PSAP: variants seen among roughly 807,000 people sequenced by gnomAD.
PSAP encodes prosaposin, also known as precursor of saposins.
In PSAP, 25 loss-of-function variants were observed where a neutral mutation model predicts 66.0. The ratio of observed to expected loss-of-function variants is 0.38; its 90% confidence interval spans 0.28 to 0.53. The LOEUF is 0.53. Ranked by LOEUF, PSAP falls within the 20% of genes least tolerant of loss-of-function variation. PSAP has a pLI of 0.83. For synonymous variants in PSAP, 273 were observed against 258.9 expected, an observed-to-expected ratio of 1.05 and a Z score of -0.52; for missense variants, 649 against 668.8, an observed-to-expected ratio of 0.97 and a Z score of 0.33.
intron 13 of PSAP, 70 bp downstream of exon 13, chr10:71,818,547 A>T: frequency 7.6e-7 from 1 of 1,315,524 alleles, no homozygotes; most frequent in Non-Finnish European, 1.1e-6. Flanking sequence ...GGTTCCCATT[A>T]AAGCAGGATT....
At chr10:71,835,247 TA>T (rs1324182015) in intron 1 of PSAP, among the ~76,000 whole-genome samples, 2 of 130,280 alleles carry the variant, frequency 1.5e-5, no homozygotes, top group East Asian at 4.2e-4. Flanking sequence ...AATAAATAAA[TA>T]AAATAAAAAT....
In PSAP at chr10:71,816,800, G is replaced by A. The variant is rs1249128674; in HGVS notation, c.*641C>T. On this transcript the variant is annotated 3_prime_UTR_variant, in exon 14 of 14. Transcript: ENST00000394936. ...CCCCAAACAAGGCATCACCAGGAAA[G>A]ACACGGGAAAGCCAAATCACAGTTG... 9.3e-6 allele frequency: 2 copies of A among 214,002 alleles called. No individual in the cohort carries two copies. Among genetic ancestry groups the A allele is most frequent in the Non-Finnish European group, 2.0e-5 (2 of 101,956 alleles). 13.3% of individuals were successfully genotyped at this position (214,002 alleles called of 1,614,324 possible).
At position 71,851,224 on chromosome 10, in the gene PSAP, C is replaced by CGCCGTCTGACTCCGCAGTCTGCAATGCGG; in HGVS notation, c.-4_-3insCCGCATTGCAGACTGCGGAGTCAGACGGC. The CGCCGTCTGACTCCGCAGTCTGCAATGCGG allele has an allele frequency of 6.4e-7, 1 of 1,551,074 alleles. No homozygotes were observed. The highest frequency in any genetic ancestry group is 8.7e-7 in the Non-Finnish European group (1 of 1,146,858). ...GCCAGGAGGAAGAGGGCGTACATAG[C>CGCCGTCTGACTCCGCAGTCTGCAATGCGG]GCCGTCTGACTCCGCAGTCTGCAAT... On this transcript the variant is annotated 5_prime_UTR_variant, in exon 1 of 14. Transcript: ENST00000394936.
At chr10:71,828,728 A>G (rs1053422035) in intron 5 of PSAP, 149 bp downstream of exon 5, 1 of 773,216 alleles carries the variant, frequency 1.3e-6, no homozygotes, top group Admixed American at 2.8e-5. Flanking sequence ...TTCATGGTAC[A>G]ACCATTTAAA....
chr10:71,841,527 C>T (rs1842733549), intron 1 of PSAP, among the ~76,000 whole-genome samples: 2 of 152,170 alleles, frequency 1.3e-5, no homozygotes, highest in Non-Finnish European at 2.9e-5. Flanking sequence ...GATTCAGTTG[C>T]TTTCACCACA....
intron 1 of PSAP, among the ~76,000 whole-genome samples, chr10:71,841,103 G>A (rs1434125934): frequency 6.6e-6 from 1 of 152,210 alleles, no homozygotes. Flanking sequence ...CCAGCCAAGT[G>A]AGCAAGTGGA....
intron 7 of PSAP, among the ~76,000 whole-genome samples, chr10:71,824,209 G>A (rs1026755242): frequency 6.6e-6 from 1 of 152,194 alleles, no homozygotes; most frequent in African/African-American, 2.4e-5. Context: ...AAGAGCCCCA[G>A]AAAATGCTTG....
intron 1 of PSAP, among the ~76,000 whole-genome samples, chr10:71,839,353 C>T (rs113963914): frequency 0.087 from 13,201 of 152,120 alleles, 767 homozygotes; most frequent in African/African-American, 0.16. Context: ...GATTCTCCTG[C>T]CTCAGCCTCC....
At chr10:71,817,953 T>TG (rs1842209287) in intron 13 of PSAP, among the ~76,000 whole-genome samples, 1 of 152,172 alleles carries the variant, frequency 6.6e-6, no homozygotes, top group Admixed American at 6.5e-5. Flanking sequence ...AGGAAAGAGC[T>TG]GGACATGGCC....
intron 7 of PSAP, 132 bp downstream of exon 7, chr10:71,825,705 G>C (rs778473187): frequency 2.5e-5 from 20 of 805,202 alleles, no homozygotes; most frequent in Non-Finnish European, 3.8e-5. Context: ...TAGCCAGAGG[G>C]GTCGATTTAG....
chr10:71,821,633 G>T (rs1842301968), intron 8 of PSAP, among the ~76,000 whole-genome samples: 1 of 152,162 alleles, frequency 6.6e-6, no homozygotes. Context: ...AAATACACAG[G>T]CTAATGATCC....
intron 9 of PSAP, 77 bp downstream of exon 9, chr10:71,820,163 C>A (rs1473182272): frequency 7.6e-7 from 1 of 1,319,046 alleles, no homozygotes; most frequent in East Asian, 2.3e-5. Context: ...GCCCTCTCTC[C>A]TGTGGGACTT....
intron 1 of PSAP, among the ~76,000 whole-genome samples, chr10:71,845,943 A>G (rs1355901275): frequency 6.6e-6 from 1 of 152,234 alleles, no homozygotes; most frequent in African/African-American, 2.4e-5. Context: ...TATGTTTTTA[A>G]TAAGTCAATT....
chr10:71,851,069 C>T, intron 1 of PSAP, 113 bp downstream of exon 1: 1 of 1,281,978 alleles, frequency 7.8e-7, no homozygotes, highest in South Asian at 1.3e-5. Context: ...TGCGCGCGCC[C>T]CCTTGCCAAC....
intron 1 of PSAP, among the ~76,000 whole-genome samples, chr10:71,842,980 T>C (rs535799956): frequency 1.3e-5 from 2 of 152,240 alleles, no homozygotes; most frequent in African/African-American, 4.8e-5. Context: ...CTGGCACTCA[T>C]CAATGCTAAG....
chr10:71,831,219 A>G lies in PSAP; in HGVS notation c.282T>C (p.Cys94=). Residue 94 remains cysteine (C), a synonymous_variant, in exon 4 of 14, where the codon TGT becomes TGC. Coordinates refer to ENST00000394936, the MANE Select transcript of PSAP (RefSeq NM_002778.4). ...EEILVYLEKT[C]DWLPKPNMSA... ...ACATGTTCGGTTTCGGAAGCCAGTC[A>G]CAGGTCTTCTCCAAGTAAACAAGGA... 6.2e-7 allele frequency: 1 copy of G among 1,614,116 alleles called. No homozygotes were observed. Among genetic ancestry groups the G allele is most frequent in the Non-Finnish European group, 8.5e-7 (1 of 1,179,992 alleles).
chr10:71,820,389 G>T, intron 8 of PSAP, 54 bp from the exon 9 acceptor site: 1 of 1,478,988 alleles, frequency 6.8e-7, no homozygotes, highest in Non-Finnish European at 9.5e-7. Context: ...ACAGCCCTTG[G>T]TCTTGCTCCC....
intron 12 of PSAP, 148 bp from the exon 13 acceptor site, chr10:71,818,872 G>A (rs907405306): frequency 3.9e-6 from 4 of 1,027,486 alleles, no homozygotes; most frequent in African/African-American, 1.6e-5. Flanking sequence ...TGAGGAAAGC[G>A]ATGGGGCTTG....
intron 11 of PSAP, 131 bp from the exon 12 acceptor site, chr10:71,819,242 G>A: frequency 9.6e-7 from 1 of 1,045,092 alleles, no homozygotes; most frequent in Middle Eastern, 2.0e-4. Flanking sequence ...CTGGGTCCTG[G>A]GGCCTCCCTT....
Sources: allele counts gnomAD v4.1 joint callset (sites outside exome capture counted in the v4.1 genomes callset), GRCh38; gene constraint gnomAD v4.1.1; transcripts MANE v1.5; gene names NCBI Gene and HGNC (gene_info 2026-07-23, HGNC 2026-07-21).